The following MED13L variants were observed in gnomAD, a reference collection of about 807,000 sequenced individuals.
MED13L encodes the protein mediator of RNA polymerase II transcription subunit 13-like.
MED13L carries 7 observed loss-of-function variants against 220.9 expected under a neutral mutation model. The observed-to-expected ratio is 0.03, with a 90% CI of 0.02 to 0.06. The LOEUF is 0.06. Ranked by LOEUF, MED13L falls within the 10% of genes least tolerant of loss-of-function variation. The probability of loss-of-function intolerance (pLI) is 1.00; values close to 1 mark genes in which losing one functional copy is unlikely to be tolerated. For synonymous variants in MED13L, 1,011 were observed against 1,015.2 expected (o/e 1.00, Z 0.08); for missense variants, 1,965 against 2,760.5 (o/e 0.71, Z 6.46).
rs36066243 is a variant in MED13L, at chr12:116,103,999, CTTTTTTTTTTTTT to C, written c.396-7260_396-7248del. Reference sequence around the variant, plus strand: ...CACCACCACATCCAAGGACATTGCTCTTTTTTTTTTTTTTTTTTTTTTTTTTTTGAGACGGAGT... The same window carrying C: ...CACCACCACATCCAAGGACATTGCTCTTTTTTTTTTTTTTTGAGACGGAGT... On this transcript the variant is annotated intron_variant, in intron 3 of 30. Transcript: ENST00000281928. 3.3e-3 allele frequency among the ~76,000 whole-genome samples: 190 copies of C among 57,480 alleles called. 1 individual carries two copies. The highest frequency in any genetic ancestry group is 5.0e-3 in the Non-Finnish European group (169 of 33,488). 37.7% of individuals were successfully genotyped at this position (57,480 alleles called of 152,430 possible).
chr12:115,998,715 C>G (rs150216953), intron 14 of MED13L, among the ~76,000 whole-genome samples: 1 of 152,188 alleles, frequency 6.6e-6, no homozygotes, highest in Non-Finnish European at 1.5e-5. Context: ...AATCCTAAAT[C>G]ATTTAGCCTC....
chr12:116,056,191 C>T (rs1418145565), intron 4 of MED13L, among the ~76,000 whole-genome samples: 1 of 152,150 alleles, frequency 6.6e-6, no homozygotes, highest in Non-Finnish European at 1.5e-5. Flanking sequence ...AGTGTACAAT[C>T]TGGCTTTAGT....
At chr12:116,273,490 CAAA>C (rs879432457) in intron 1 of MED13L, among the ~76,000 whole-genome samples, 2 of 134,420 alleles carry the variant, frequency 1.5e-5, no homozygotes, top group African/African-American at 2.7e-5. Context: ...TGTTCTAGCG[CAAA>C]AAAAAAAAAA....
intron 16 of MED13L, among the ~76,000 whole-genome samples, chr12:115,993,369 C>T (rs2137314545): frequency 6.6e-6 from 1 of 152,116 alleles, no homozygotes; most frequent in South Asian, 2.1e-4. Context: ...ACTAATGCTC[C>T]TCCAATAAAC....
chr12:116,236,936 A>T, intron 2 of MED13L: 3 of 882,594 alleles, frequency 3.4e-6, no homozygotes, highest in Non-Finnish European at 4.1e-6. Flanking sequence ...AAGCAAAAGA[A>T]AATTTGCTAC....
intron 2 of MED13L, among the ~76,000 whole-genome samples, chr12:116,217,939 A>G (rs1213156291): frequency 2.0e-5 from 3 of 152,228 alleles, no homozygotes; most frequent in Admixed American, 6.5e-5. Flanking sequence ...ATGAGCAACT[A>G]GTTATATATC....
At chr12:116,238,915 T>G (rs1439862994) in intron 1 of MED13L, among the ~76,000 whole-genome samples, 8 of 152,166 alleles carry the variant, frequency 5.3e-5, no homozygotes, top group Admixed American at 1.3e-4. Context: ...ACCAACATGC[T>G]GAAACCCCGT....
rs533250009 is a variant in MED13L at position 116,116,372 on chromosome 12, T to C, written c.311-4860A>G. 7.2e-5 allele frequency among the ~76,000 whole-genome samples: 11 copies of C among 152,136 alleles called. No homozygotes were observed. The South Asian group carries it at 2.3e-3, about 32-fold the overall frequency. On this transcript the variant is annotated intron_variant, in intron 2 of 30. Coordinates refer to ENST00000281928, the MANE Select transcript of MED13L (RefSeq NM_015335.5). Reference sequence around the variant, plus strand: ...TTCATAAAAACCCAAAAAGACTGAGTTCTGAGAGCTTCAAAATAACTGGAC... The same window carrying C: ...TTCATAAAAACCCAAAAAGACTGAGCTCTGAGAGCTTCAAAATAACTGGAC...
intron 2 of MED13L, among the ~76,000 whole-genome samples, chr12:116,173,124 T>C (rs932480405): frequency 4.1e-5 from 6 of 148,100 alleles, no homozygotes; most frequent in African/African-American, 1.5e-4. Context: ...AAAAAAAGTC[T>C]GCCAAATTGG....
At chr12:116,253,738 T>C (rs1871775054) in intron 1 of MED13L, among the ~76,000 whole-genome samples, 1 of 149,158 alleles carries the variant, frequency 6.7e-6, no homozygotes, top group South Asian at 2.1e-4. Context: ...AATACCCACC[T>C]TCACGGTTTT....
intron 4 of MED13L, among the ~76,000 whole-genome samples, chr12:116,067,750 G>A (rs2137667340): frequency 6.6e-6 from 1 of 152,264 alleles, no homozygotes; most frequent in Middle Eastern, 3.4e-3. Context: ...AAAAGCACCA[G>A]ACACTTGCGT....
chr12:116,040,094 G>C (rs527306695), intron 4 of MED13L, among the ~76,000 whole-genome samples: 5 of 152,312 alleles, frequency 3.3e-5, no homozygotes, highest in Admixed American at 1.3e-4. Flanking sequence ...ATAGCTCTCA[G>C]TGATATGTCT....
chr12:116,163,114 G>A (rs1879005713), intron 2 of MED13L, among the ~76,000 whole-genome samples: 1 of 152,108 alleles, frequency 6.6e-6, no homozygotes, highest in Non-Finnish European at 1.5e-5. Context: ...CAAGACTGAA[G>A]ATTACTTTTG....
intron 4 of MED13L, among the ~76,000 whole-genome samples, chr12:116,054,499 C>T (rs1373712599): frequency 6.6e-6 from 1 of 152,194 alleles, no homozygotes; most frequent in Non-Finnish European, 1.5e-5. Context: ...AAGAGTACAA[C>T]TTAAGCATGT....
chr12:116,207,164 T>C (rs1882389062), intron 2 of MED13L, among the ~76,000 whole-genome samples: 1 of 152,126 alleles, frequency 6.6e-6, no homozygotes, highest in African/African-American at 2.4e-5. Flanking sequence ...ACCTTTTTTT[T>C]TTTTGGTAAG....
chr12:115,971,283 GCA>G (rs1380095000), intron 26 of MED13L, among the ~76,000 whole-genome samples: 1 of 152,138 alleles, frequency 6.6e-6, no homozygotes, highest in African/African-American at 2.4e-5. Flanking sequence ...GAGGACAAAA[GCA>G]CAAAGAAGTT....
intron 4 of MED13L, among the ~76,000 whole-genome samples, chr12:116,067,397 C>T (rs1870029440): frequency 6.6e-6 from 1 of 152,100 alleles, no homozygotes; most frequent in Non-Finnish European, 1.5e-5. Context: ...CCTAGAGACT[C>T]TAATATTCTT....
At chr12:116,040,084 A>G (rs1369255493) in intron 4 of MED13L, among the ~76,000 whole-genome samples, 2 of 152,230 alleles carry the variant, frequency 1.3e-5, no homozygotes, top group Non-Finnish European at 2.9e-5. Flanking sequence ...TACACGATGC[A>G]TAGCTCTCAG....
intron 4 of MED13L, among the ~76,000 whole-genome samples, chr12:116,035,671 GCCT>G (rs1443761051): frequency 2.2e-4 from 33 of 152,100 alleles, no homozygotes; most frequent in African/African-American, 7.5e-4. Flanking sequence ...ACTCACTGCA[GCCT>G]CGACCTCCCA....
Sources: gnomAD v4.1 joint callset for allele counts (sites outside exome capture counted in the v4.1 genomes callset) on GRCh38, gnomAD v4.1.1 for gene constraint, MANE v1.5 for transcripts, NCBI Gene and HGNC (gene_info 2026-07-23, HGNC 2026-07-21) for gene names.